The following RTL4 variants were observed in gnomAD, a reference collection of about 807,000 sequenced individuals.
RTL4 encodes the protein retrotransposon Gag like 4, also known as retrotransposon Gag-like protein 4.
A neutral mutation model predicts 5.3 loss-of-function variants in RTL4; 4 were observed. The observed-to-expected ratio is 0.75, with a 90% confidence interval of 0.37 to 1.72. The LOEUF (loss-of-function observed/expected upper bound fraction) is 1.72. RTL4 is among the 40% of genes most tolerant of loss of function. The pLI is 0.04. For synonymous variants in RTL4, 98 were observed against 87.3 expected (o/e 1.12, Z -0.68); for missense variants, 260 against 227.1 (o/e 1.14, Z -0.93).
the RTL4 span, among the ~76,000 whole-genome samples, chrX:112,199,258 C>T: frequency 1.0e-5 from 1 of 99,734 alleles, no homozygotes; most frequent in African/African-American, 3.8e-5. Context: ...CACTGCACTC[C>T]AGCCTGGGCG....
At chrX:112,116,689 T>C in the RTL4 span, among the ~76,000 whole-genome samples, 1 of 111,609 alleles carries the variant, frequency 9.0e-6, no homozygotes, top group South Asian at 3.8e-4. Context: ...TACAGAGTGC[T>C]GATTGGTCCA....
At chrX:112,186,867 T>G in the RTL4 span, among the ~76,000 whole-genome samples, 2 of 112,456 alleles carry the variant, frequency 1.8e-5, no homozygotes, top group African/African-American at 6.5e-5. Flanking sequence ...CCCAGGAGGC[T>G]GACCTTTATG....
chrX:112,235,309 G>T, the RTL4 span, among the ~76,000 whole-genome samples: 1 of 111,896 alleles, frequency 8.9e-6, no homozygotes, highest in Non-Finnish European at 1.9e-5. Context: ...ATCCCAGTGT[G>T]AGTCAAACTT....
the RTL4 span, among the ~76,000 whole-genome samples, chrX:112,433,484 C>G: frequency 3.3e-5 from 2 of 61,502 alleles, no homozygotes; most frequent in Non-Finnish European, 5.9e-5. Context: ...ATTTTATTCT[C>G]TTTGAAGCAA....
the RTL4 span, among the ~76,000 whole-genome samples, chrX:112,194,611 T>A: frequency 8.9e-6 from 1 of 112,010 alleles, no homozygotes; most frequent in African/African-American, 3.2e-5. Context: ...AGCCTTCTTT[T>A]CCTAATATTA....
At chrX:112,190,169 TTTCTTTC>T in the RTL4 span, among the ~76,000 whole-genome samples, 1 of 92,110 alleles carries the variant, frequency 1.1e-5, no homozygotes, top group African/African-American at 4.1e-5. Flanking sequence ...TCTTTCTTTC[TTTCTTTC>T]TTTCTTTCTT....
the RTL4 span, among the ~76,000 whole-genome samples, chrX:112,222,105 G>A: frequency 9.0e-6 from 1 of 111,514 alleles, no homozygotes; most frequent in Non-Finnish European, 1.9e-5. Flanking sequence ...GAAGAGCTAA[G>A]GACAATTATT....
chrX:112,333,221 G>A, the RTL4 span, among the ~76,000 whole-genome samples: 3 of 111,006 alleles, frequency 2.7e-5, no homozygotes, highest in African/African-American at 9.8e-5. Context: ...GGTTACCAGG[G>A]TGAGGAGTGA....
chrX:112,139,419 G>T, the RTL4 span, among the ~76,000 whole-genome samples: 1 of 111,889 alleles, frequency 8.9e-6, no homozygotes, highest in South Asian at 3.7e-4. Flanking sequence ...GTGGGTACAT[G>T]TTAAAACTAC....
the RTL4 span, among the ~76,000 whole-genome samples, chrX:112,329,082 C>A: frequency 1.8e-5 from 2 of 110,602 alleles, no homozygotes; most frequent in African/African-American, 6.6e-5. Flanking sequence ...GACACCCTAA[C>A]ATCACAATTA....
the RTL4 span, among the ~76,000 whole-genome samples, chrX:112,235,916 T>C: frequency 9.0e-6 from 1 of 111,709 alleles, no homozygotes. Flanking sequence ...AAATGATCCA[T>C]TTTAGAGCTG....
chrX:112,163,634 C>T, the RTL4 span, among the ~76,000 whole-genome samples: 1 of 112,134 alleles, frequency 8.9e-6, no homozygotes, highest in Non-Finnish European at 1.9e-5. Context: ...TGTGCATAAA[C>T]TTTGGAGTCA....
the RTL4 span, among the ~76,000 whole-genome samples, chrX:112,226,989 CAAAATAAAAT>C: frequency 4.2e-5 from 4 of 95,732 alleles, no homozygotes; most frequent in African/African-American, 1.2e-4. Flanking sequence ...TAAAATAAAA[CAAAATAAAAT>C]AAAATAAAAT....
the RTL4 span, among the ~76,000 whole-genome samples, chrX:112,364,458 G>A: frequency 8.9e-6 from 1 of 111,929 alleles, no homozygotes; most frequent in African/African-American, 3.2e-5. Flanking sequence ...CCAATTGTTG[G>A]ATTAGGCCTC....
chrX:112,179,615 G>A, the RTL4 span, among the ~76,000 whole-genome samples: 4 of 111,891 alleles, frequency 3.6e-5, no homozygotes, highest in South Asian at 1.5e-3. Flanking sequence ...GGAACAAGCA[G>A]GTATCACTCA....
chrX:112,367,104 A>C, the RTL4 span, among the ~76,000 whole-genome samples: 1 of 111,714 alleles, frequency 9.0e-6, no homozygotes, highest in South Asian at 3.7e-4. Context: ...AGGGAAAAAA[A>C]CCCACCTCTC....
chrX:112,127,532 T>C, the RTL4 span, among the ~76,000 whole-genome samples: 2 of 112,016 alleles, frequency 1.8e-5, no homozygotes, highest in East Asian at 5.6e-4. Context: ...GGGTGTTTGC[T>C]GTCACCACTG....
chrX:112,322,326 T>G, the RTL4 span, among the ~76,000 whole-genome samples: 11 of 104,700 alleles, frequency 1.1e-4, no homozygotes, highest in Admixed American at 2.1e-4. Flanking sequence ...TTTTCATTAA[T>G]GATTTGCCTA....
At chrX:112,215,391 T>G in the RTL4 span, among the ~76,000 whole-genome samples, 1 of 112,244 alleles carries the variant, frequency 8.9e-6, no homozygotes, top group African/African-American at 3.2e-5. Context: ...TATCTTCTTT[T>G]GAGAAATGCC....
Sources: gnomAD v4.1 joint callset for allele counts (sites outside exome capture counted in the v4.1 genomes callset) on GRCh38, gnomAD v4.1.1 for gene constraint, MANE v1.5 for transcripts, NCBI Gene and HGNC (gene_info 2026-07-23, HGNC 2026-07-21) for gene names.